Variants in SRGAP3 observed in about 807,000 individuals in gnomAD.
SRGAP3 encodes SLIT-ROBO Rho GTPase-activating protein 3.
SRGAP3 carries 39 observed loss-of-function variants against 121.1 expected under a neutral mutation model. That is an observed-to-expected ratio of 0.32 (90% CI 0.25 to 0.42). The LOEUF (loss-of-function observed/expected upper bound fraction) is 0.42, where lower values mean the gene tolerates loss of function less well. SRGAP3 is among the 10% of genes least tolerant of loss of function. SRGAP3 has a pLI of 1.00. For synonymous variants in SRGAP3, 601 were observed against 570.0 expected, an observed-to-expected ratio of 1.05 and a Z score of -0.77; for missense variants, 1,213 against 1,470.6, an observed-to-expected ratio of 0.82 and a Z score of 2.86.
chr3:9,088,752 C>T (rs1560118704), intron 3 of SRGAP3, among the ~76,000 whole-genome samples: 1 of 151,776 alleles, frequency 6.6e-6, no homozygotes, highest in African/African-American at 2.4e-5. Flanking sequence ...GGATGCTTTC[C>T]CAGTGTTGAA....
At chr3:9,037,791 G>T in intron 11 of SRGAP3, 2 of 562,302 alleles carry the variant, frequency 3.6e-6, no homozygotes, top group Non-Finnish European at 3.2e-6. Context: ...CTCACCCGAT[G>T]GCCAGCGCAA....
chr3:9,043,364 C>G (rs1180133296), intron 10 of SRGAP3, among the ~76,000 whole-genome samples: 1 of 152,174 alleles, frequency 6.6e-6, no homozygotes, highest in Non-Finnish European at 1.5e-5. Flanking sequence ...TGAGGTCTCT[C>G]TTTTCCATGA....
chr3:9,083,391 A>G (rs1405919592), intron 3 of SRGAP3, among the ~76,000 whole-genome samples: 3 of 152,256 alleles, frequency 2.0e-5, no homozygotes, highest in Non-Finnish European at 4.4e-5. Flanking sequence ...CTGCTACAAA[A>G]AATTTCTTCT....
At chr3:9,350,732 C>T (rs1226057486) in intron 1 of SRGAP3, among the ~76,000 whole-genome samples, 1 of 152,148 alleles carries the variant, frequency 6.6e-6, no homozygotes, top group Non-Finnish European at 1.5e-5. Flanking sequence ...ACATGTAACT[C>T]TTCTTTCTTC....
At chr3:9,318,729 A>G (rs1955391437) in intron 3 of SRGAP3, among the ~76,000 whole-genome samples, 1 of 151,392 alleles carries the variant, frequency 6.6e-6, no homozygotes, top group South Asian at 2.1e-4. Flanking sequence ...AAAAAATTTA[A>G]ATAGCCAGGC....
chr3:9,148,401 T>C (rs1950097318), intron 1 of SRGAP3, among the ~76,000 whole-genome samples: 1 of 152,232 alleles, frequency 6.6e-6, no homozygotes, highest in Non-Finnish European at 1.5e-5. Flanking sequence ...GAAGTCTTGT[T>C]TGTCATTTTC....
Position 8,984,419 on chromosome 3 carries a change from T to A in SRGAP3, c.*1100A>T, listed in dbSNP as rs1467096129. ...GTTTAGTTCCAAATCTGACACAGTA[T>A]AATTAGTAGAACCAGGAAAAGAAAA... is the stretch of plus-strand genomic sequence containing the variant. On this transcript the variant is annotated 3_prime_UTR_variant, in exon 22 of 22. Transcript: ENST00000383836. 4.3e-6 allele frequency: 1 copy of A among 231,306 alleles called. No individual in the cohort carries two copies. 14.3% of individuals were successfully genotyped at this position (231,306 alleles called of 1,614,324 possible). A position where few individuals can be genotyped will look rare whatever the true frequency, so the allele number is the denominator to read the frequency against.
chr3:9,195,832 T>C (rs962527086), intron 1 of SRGAP3, among the ~76,000 whole-genome samples: 1 of 152,062 alleles, frequency 6.6e-6, no homozygotes, highest in Non-Finnish European at 1.5e-5. Flanking sequence ...GGTGTGCGCC[T>C]GCAGTCCTCG....
At chr3:9,212,478 T>C (rs1952478761) in intron 1 of SRGAP3, among the ~76,000 whole-genome samples, 1 of 146,654 alleles carries the variant, frequency 6.8e-6, no homozygotes, top group East Asian at 1.9e-4. Flanking sequence ...TCCCAGCACT[T>C]TGGGAGGCTG....
Position 8,982,075 on chromosome 3 carries a change from G to T in SRGAP3, c.*3444C>A, listed in dbSNP as rs1941443365. ...GAGAGTGGGGTAGGAAGCACAGCTT[G>T]TTCTCAATTTTATCCAAAAAGCTCT... On this transcript the variant is annotated 3_prime_UTR_variant, in exon 22 of 22. Coordinates refer to ENST00000383836, the MANE Select transcript of SRGAP3 (RefSeq NM_014850.4). 4.4e-6 allele frequency: 1 copy of T among 226,420 alleles called. No homozygotes were observed. Among genetic ancestry groups the T allele is most frequent in the Non-Finnish European group, 8.8e-6 (1 of 113,584 alleles). The allele number at this position is 226,420 out of a possible 1,614,324, so 14.0% of individuals were successfully genotyped here.
chr3:9,352,247 T>C (rs920016828), intron 1 of SRGAP3, among the ~76,000 whole-genome samples: 1 of 151,538 alleles, frequency 6.6e-6, no homozygotes, highest in Non-Finnish European at 1.5e-5. Context: ...AACTCTCCCC[T>C]TTTCCTCCAC....
At chr3:9,319,818 T>C (rs1955410783) in intron 3 of SRGAP3, among the ~76,000 whole-genome samples, 1 of 151,886 alleles carries the variant, frequency 6.6e-6, no homozygotes, top group African/African-American at 2.4e-5. Flanking sequence ...ACTCAGAGTG[T>C]CTGCGGTTGA....
chr3:9,197,837 C>T (rs1951959248), intron 1 of SRGAP3, among the ~76,000 whole-genome samples: 1 of 152,214 alleles, frequency 6.6e-6, no homozygotes, highest in African/African-American at 2.4e-5. Flanking sequence ...AAAGGGCTTC[C>T]TTCACAGCCA....
chr3:9,021,238 A>T lies in SRGAP3; in HGVS notation c.1678+4023T>A, dbSNP rs1574922530. 2.0e-5 allele frequency among the ~76,000 whole-genome samples: 3 copies of T among 152,214 alleles called. No homozygotes were observed. The East Asian group carries it at 5.8e-4, about 29-fold the overall frequency. On this transcript the variant is annotated intron_variant, in intron 14 of 21. Transcript: ENST00000383836. ...CCCCACATCCAAACCCTGCGTAGAT[A>T]TGCACAGCGGGAGAGAGCCATTGCC... is the stretch of plus-strand genomic sequence containing the variant.
chr3:8,996,704 G>A (rs183663800), intron 18 of SRGAP3, among the ~76,000 whole-genome samples: 13 of 152,286 alleles, frequency 8.5e-5, no homozygotes, highest in Admixed American at 1.3e-4. Context: ...ACATCCGGCC[G>A]TGTGCTGGAA....
intron 1 of SRGAP3, among the ~76,000 whole-genome samples, chr3:9,208,079 C>T (rs1291128554): frequency 1.3e-5 from 2 of 152,110 alleles, no homozygotes; most frequent in South Asian, 2.1e-4. Context: ...GTGCAGGGCC[C>T]GCAAATGATT....
At chr3:9,137,319 G>A (rs912828147) in intron 1 of SRGAP3, among the ~76,000 whole-genome samples, 2 of 152,084 alleles carry the variant, frequency 1.3e-5, no homozygotes, top group East Asian at 1.9e-4. Context: ...TATCAACTCC[G>A]AAGGCTTCCC....
At chr3:9,359,822 CTATAGA>C (rs1419010987) in intron 1 of SRGAP3, among the ~76,000 whole-genome samples, 2 of 152,220 alleles carry the variant, frequency 1.3e-5, no homozygotes, top group African/African-American at 4.8e-5. Context: ...ATATTCTACT[CTATAGA>C]TATAACACAC....
intron 20 of SRGAP3, among the ~76,000 whole-genome samples, chr3:8,992,257 A>G (rs998678932): frequency 3.3e-5 from 5 of 152,186 alleles, no homozygotes; most frequent in African/African-American, 4.8e-5. Context: ...GGCAGTGAGA[A>G]ACTGTCAGCT....
Sources: gnomAD v4.1 joint callset for allele counts (sites outside exome capture counted in the v4.1 genomes callset) on GRCh38, gnomAD v4.1.1 for gene constraint, MANE v1.5 for transcripts, NCBI Gene and HGNC (gene_info 2026-07-23, HGNC 2026-07-21) for gene names.